Variants in HSF2BP observed in about 807,000 individuals in gnomAD.
The protein encoded by HSF2BP is heat shock factor 2-binding protein.
In HSF2BP, 35 loss-of-function variants were observed where a neutral mutation model predicts 35.0. The ratio of observed to expected loss-of-function variants is 1.00; its 90% CI spans 0.76 to 1.32. The LOEUF is 1.32. HSF2BP is among the 40% of genes most tolerant of loss of function. HSF2BP has a pLI of 0.00. For missense variants in HSF2BP, 326 were observed against 321.7 expected, an observed-to-expected ratio of 1.01 and a Z score of -0.10; for synonymous variants, 114 against 117.4, an observed-to-expected ratio of 0.97 and a Z score of 0.18.
chr21:43,632,925 GTA>G (rs1157215879), intron 5 of HSF2BP, among the ~76,000 whole-genome samples: 4 of 151,932 alleles, frequency 2.6e-5, no homozygotes, highest in Admixed American at 2.0e-4. Context: ...CTACATACAT[GTA>G]TATATGTTAG....
intron 8 of HSF2BP, among the ~76,000 whole-genome samples, chr21:43,588,502 G>A (rs534675072): frequency 6.6e-6 from 1 of 151,890 alleles, no homozygotes; most frequent in Non-Finnish European, 1.5e-5. Context: ...GGCGGTCGGG[G>A]TCTCAAATCT....
chr21:43,632,281 CACACACACAGGCTCCCACAT>C, intron 5 of HSF2BP, among the ~76,000 whole-genome samples: 1 of 72,164 alleles, frequency 1.4e-5, no homozygotes, highest in Non-Finnish European at 2.7e-5. Context: ...TCCCCCCACA[CACACACACAGGCTCCCACAT>C]ACACACACAC....
intron 8 of HSF2BP, among the ~76,000 whole-genome samples, chr21:43,590,238 G>A (rs1055496250): frequency 4.6e-5 from 7 of 152,100 alleles, no homozygotes; most frequent in African/African-American, 9.7e-5. Context: ...AAGAAGTTAC[G>A]TGAATGGCAA....
At chr21:43,636,894 C>CAAAAAAAA (rs34578952) in intron 4 of HSF2BP, among the ~76,000 whole-genome samples, 172 of 111,812 alleles carry the variant, frequency 1.5e-3, no homozygotes, top group Non-Finnish European at 1.9e-3. Flanking sequence ...CGTCTCAAAA[C>CAAAAAAAA]AAAAAAAAAA....
intron 6 of HSF2BP, among the ~76,000 whole-genome samples, chr21:43,626,478 T>C (rs1241389055): frequency 6.6e-6 from 1 of 152,220 alleles, no homozygotes; most frequent in East Asian, 1.9e-4. Flanking sequence ...GCATTTTTCT[T>C]TCCTGTAAAT....
At chr21:43,613,124 A>G (rs900648223) in intron 7 of HSF2BP, among the ~76,000 whole-genome samples, 3 of 152,252 alleles carry the variant, frequency 2.0e-5, no homozygotes, top group African/African-American at 7.2e-5. Context: ...GAATAAAAGC[A>G]GAGAGAGTTT....
chr21:43,585,535 A>G (rs2081838598), intron 8 of HSF2BP, among the ~76,000 whole-genome samples: 1 of 151,884 alleles, frequency 6.6e-6, no homozygotes, highest in African/African-American at 2.4e-5. Flanking sequence ...AATCCCAGCT[A>G]CTGGGAGGCT....
intron 7 of HSF2BP, among the ~76,000 whole-genome samples, chr21:43,595,018 T>A (rs927479860): frequency 6.6e-6 from 1 of 152,120 alleles, no homozygotes; most frequent in Non-Finnish European, 1.5e-5. Flanking sequence ...CCCAGCACTT[T>A]GGGAGGCCAG....
intron 4 of HSF2BP, among the ~76,000 whole-genome samples, chr21:43,642,665 A>T (rs1467120436): frequency 6.6e-6 from 1 of 152,212 alleles, no homozygotes; most frequent in Non-Finnish European, 1.5e-5. Context: ...TAAATAGGGA[A>T]TAGTTGGGTA....
At chr21:43,585,850 T>A (rs560159527) in intron 8 of HSF2BP, among the ~76,000 whole-genome samples, 1 of 152,202 alleles carries the variant, frequency 6.6e-6, no homozygotes, top group African/African-American at 2.4e-5. Context: ...GAAATTAGAA[T>A]TTGGTGTGAG....
intron 8 of HSF2BP, among the ~76,000 whole-genome samples, chr21:43,588,148 C>T (rs1351588883): frequency 2.0e-5 from 3 of 152,128 alleles, no homozygotes; most frequent in African/African-American, 2.4e-5. Context: ...GAGGCCGAGG[C>T]GGGTGGATCA....
chr21:43,635,614 AT>A (rs1161934864), intron 4 of HSF2BP, among the ~76,000 whole-genome samples: 1 of 152,142 alleles, frequency 6.6e-6, no homozygotes, highest in Non-Finnish European at 1.5e-5. Flanking sequence ...CAAAAAAAAA[AT>A]AATTCAAAAT....
intron 7 of HSF2BP, among the ~76,000 whole-genome samples, chr21:43,600,741 C>T (rs1404882740): frequency 2.0e-5 from 3 of 152,154 alleles, no homozygotes; most frequent in Non-Finnish European, 4.4e-5. Context: ...TAATACAATA[C>T]CCACCTCCCT....
At chr21:43,577,504 G>C (rs1738352069) in intron 8 of HSF2BP, among the ~76,000 whole-genome samples, 1 of 152,200 alleles carries the variant, frequency 6.6e-6, no homozygotes, top group Admixed American at 6.5e-5. Context: ...GAAGGCCTGG[G>C]TTATTTTCTC....
chr21:43,578,301 A>G (rs1210683838), intron 8 of HSF2BP, among the ~76,000 whole-genome samples: 1 of 151,990 alleles, frequency 6.6e-6, no homozygotes, highest in African/African-American at 2.4e-5. Context: ...GCCCTGCTCC[A>G]TACTCCTGCC....
intron 4 of HSF2BP, among the ~76,000 whole-genome samples, chr21:43,641,767 G>C (rs2082639488): frequency 6.6e-6 from 1 of 151,912 alleles, no homozygotes; most frequent in Non-Finnish European, 1.5e-5. Flanking sequence ...GGCCAACATG[G>C]CGAAACCTCA....
chr21:43,647,940 A>AAC (rs2082730859), intron 3 of HSF2BP, among the ~76,000 whole-genome samples: 1 of 146,068 alleles, frequency 6.8e-6, no homozygotes, highest in Non-Finnish European at 1.5e-5. Context: ...AAAAAAAAAA[A>AAC]AAAAAAAAAA....
chr21:43,629,687 GA>G (rs1341991121), intron 6 of HSF2BP, among the ~76,000 whole-genome samples: 2 of 152,024 alleles, frequency 1.3e-5, no homozygotes, highest in Non-Finnish European at 2.9e-5. Context: ...CGTGGTGGCA[GA>G]AAAAAAGGAT....
chr21:43,623,719 ATT>A (rs1178707474), intron 6 of HSF2BP, among the ~76,000 whole-genome samples: 1 of 152,124 alleles, frequency 6.6e-6, no homozygotes, highest in Non-Finnish European at 1.5e-5. Flanking sequence ...CTCAAATTAT[ATT>A]TGTTTGCTAC....
Sources: allele counts gnomAD v4.1 joint callset (sites outside exome capture counted in the v4.1 genomes callset), GRCh38; gene constraint gnomAD v4.1.1; transcripts MANE v1.5; gene names NCBI Gene and HGNC (gene_info 2026-07-23, HGNC 2026-07-21).